Variants in FOXP1 observed in about 807,000 individuals in gnomAD.
The protein encoded by FOXP1 is forkhead box protein P1.
FOXP1 carries 15 observed loss-of-function variants against 98.2 expected under a neutral mutation model. The ratio of observed to expected loss-of-function variants is 0.15; its 90% CI spans 0.10 to 0.24. The LOEUF is 0.24. Ranked by LOEUF, FOXP1 falls within the 10% of genes least tolerant of loss-of-function variation. The pLI, the probability that FOXP1 is intolerant of heterozygous loss-of-function variation, is 1.00. For missense variants in FOXP1, 633 were observed against 848.5 expected (o/e 0.75, Z 3.15); for synonymous variants, 371 against 314.5 (o/e 1.18, Z -1.90).
intron 7 of FOXP1, among the ~76,000 whole-genome samples, chr3:71,073,488 G>A (rs1401643400): frequency 6.6e-6 from 1 of 152,128 alleles, no homozygotes; most frequent in Admixed American, 6.5e-5. Flanking sequence ...AACCTCCACT[G>A]CACATAGAGA....
At chr3:71,259,201 T>G (rs1180606307) in intron 5 of FOXP1, among the ~76,000 whole-genome samples, 2 of 151,834 alleles carry the variant, frequency 1.3e-5, no homozygotes, top group African/African-American at 2.4e-5. Flanking sequence ...TGGGCATGAG[T>G]GGGCACGGCA....
intron 3 of FOXP1, among the ~76,000 whole-genome samples, chr3:71,395,283 A>G (rs964968957): frequency 9.4e-5 from 14 of 149,554 alleles, no homozygotes; most frequent in African/African-American, 3.2e-4. Context: ...GCGTCTTGCG[A>G]CCCTGGTTTC....
chr3:71,545,109 A>T (rs973282992), intron 2 of FOXP1, among the ~76,000 whole-genome samples: 24 of 150,970 alleles, frequency 1.6e-4, no homozygotes, highest in African/African-American at 5.3e-4. Flanking sequence ...TTTTTTTATT[A>T]AAAATAACCA....
chr3:71,044,053 C>T (rs749160380), intron 10 of FOXP1, among the ~76,000 whole-genome samples: 8 of 152,186 alleles, frequency 5.3e-5, no homozygotes, highest in East Asian at 3.9e-4. Flanking sequence ...GCAGTCAAAT[C>T]GCTTTCCTCC....
intron 6 of FOXP1, among the ~76,000 whole-genome samples, chr3:71,168,559 A>G (rs1287536485): frequency 2.0e-5 from 3 of 152,244 alleles, no homozygotes; most frequent in Non-Finnish European, 4.4e-5. Flanking sequence ...TCAAAACAAC[A>G]GAACTGCTGC....
intron 5 of FOXP1, among the ~76,000 whole-genome samples, chr3:71,256,881 G>A (rs942290922): frequency 6.6e-6 from 1 of 151,726 alleles, no homozygotes; most frequent in African/African-American, 2.4e-5. Context: ...TGGCTGCGAC[G>A]AGCTGGGGAA....
At chr3:71,393,663 G>A (rs2081187872) in intron 3 of FOXP1, among the ~76,000 whole-genome samples, 1 of 152,102 alleles carries the variant, frequency 6.6e-6, no homozygotes, top group Non-Finnish European at 1.5e-5. Flanking sequence ...TGATTTCTAA[G>A]CAAAATGCAA....
chr3:71,532,928 T>C (rs1174659121), intron 2 of FOXP1, among the ~76,000 whole-genome samples: 1 of 152,192 alleles, frequency 6.6e-6, no homozygotes, highest in Non-Finnish European at 1.5e-5. Context: ...CACTTCATCC[T>C]TGAAGGAAAT....
At chr3:71,457,164 G>A (rs1300816856) in intron 3 of FOXP1, among the ~76,000 whole-genome samples, 1 of 151,264 alleles carries the variant, frequency 6.6e-6, no homozygotes, top group Non-Finnish European at 1.5e-5. Flanking sequence ...GGGTGAAAGT[G>A]ACAGTAATAA....
intron 11 of FOXP1, among the ~76,000 whole-genome samples, chr3:71,020,700 C>T (rs182038671): frequency 1.3e-5 from 2 of 152,190 alleles, no homozygotes; most frequent in African/African-American, 4.8e-5. Flanking sequence ...CCAGTTTTCC[C>T]TTCACCTGAA....
chr3:71,305,892 G>A lies in FOXP1; in HGVS notation c.-72-6012C>T, dbSNP rs183586365. The A allele has an allele frequency of 5.9e-5, 9 of 152,774 alleles. No individual in the cohort carries two copies. In the East Asian group the frequency reaches 1.5e-3, roughly 26 times the overall value. 9.5% of individuals were successfully genotyped at this position (152,774 alleles called of 1,614,324 possible). On this transcript the variant is annotated intron_variant, in intron 4 of 20. Coordinates refer to ENST00000649528, the MANE Select transcript of FOXP1 (RefSeq NM_001349338.3). ...CACACACTTACCCGTTCATGGTGAG[G>A]AGGCAAAGCTTTGGGGCGGGAGAGG...
At chr3:71,551,700 G>A (rs988061522) in intron 2 of FOXP1, among the ~76,000 whole-genome samples, 6 of 152,166 alleles carry the variant, frequency 3.9e-5, no homozygotes, top group African/African-American at 1.2e-4. Flanking sequence ...TAAAAATAGA[G>A]ACAGGATCAT....
intron 6 of FOXP1, among the ~76,000 whole-genome samples, chr3:71,147,639 G>C (rs2060373643): frequency 6.6e-6 from 1 of 151,972 alleles, no homozygotes; most frequent in African/African-American, 2.4e-5. Context: ...CTCTCTACTG[G>C]ATTGAAAACT....
chr3:70,969,168 G>A (rs1255392700), intron 19 of FOXP1: 1 of 143,534 alleles, frequency 7.0e-6, no homozygotes, highest in African/African-American at 2.6e-5. Context: ...AAATGTGCTT[G>A]TAATCTTAAT....
chr3:70,971,065 C>A, intron 18 of FOXP1: 1 of 454,896 alleles, frequency 2.2e-6, no homozygotes, highest in Non-Finnish European at 4.1e-6. Flanking sequence ...GGTCCTCCCT[C>A]CAGAGACCTC....
intron 3 of FOXP1, among the ~76,000 whole-genome samples, chr3:71,472,120 G>A (rs1243440813): frequency 6.6e-6 from 1 of 152,012 alleles, no homozygotes; most frequent in Non-Finnish European, 1.5e-5. Flanking sequence ...TTGCCTTTAG[G>A]GTCATATTTT....
intron 5 of FOXP1, among the ~76,000 whole-genome samples, chr3:71,222,483 A>C (rs913835270): frequency 2.6e-5 from 4 of 151,946 alleles, no homozygotes; most frequent in Non-Finnish European, 4.4e-5. Flanking sequence ...CAGTGGCGCG[A>C]TCTCAGCTCA....
intron 9 of FOXP1, among the ~76,000 whole-genome samples, chr3:71,051,297 A>G (rs2049855851): frequency 6.6e-6 from 1 of 152,136 alleles, no homozygotes; most frequent in South Asian, 2.1e-4. Flanking sequence ...ATTTTCATTA[A>G]AACACCTCCT....
intron 7 of FOXP1, among the ~76,000 whole-genome samples, chr3:71,074,463 G>A (rs958915538): frequency 6.6e-6 from 1 of 152,148 alleles, no homozygotes; most frequent in Non-Finnish European, 1.5e-5. Flanking sequence ...CTAATCTCAG[G>A]TGATTCACCC....
Sources: allele counts gnomAD v4.1 joint callset (sites outside exome capture counted in the v4.1 genomes callset), GRCh38; gene constraint gnomAD v4.1.1; transcripts MANE v1.5; gene names NCBI Gene and HGNC (gene_info 2026-07-23, HGNC 2026-07-21).